The following ABHD3 variants were observed in gnomAD, a reference collection of about 807,000 sequenced individuals.
ABHD3 encodes the protein phospholipase ABHD3.
Under a neutral mutation model 48.8 loss-of-function variants are expected in ABHD3, and 46 were observed. The ratio of observed to expected loss-of-function variants is 0.94; its 90% CI spans 0.74 to 1.20. The LOEUF (loss-of-function observed/expected upper bound fraction) is 1.20, where lower values mean the gene tolerates loss of function less well. ABHD3 is among the 50% of genes most tolerant of loss of function. ABHD3 has a pLI of 0.00. For synonymous variants in ABHD3, 192 were observed against 183.7 expected (o/e 1.04, Z -0.36); for missense variants, 490 against 497.8 (o/e 0.98, Z 0.15).
intron 5 of ABHD3, among the ~76,000 whole-genome samples, chr18:21,660,781 G>C (rs2039474837): frequency 6.6e-6 from 1 of 152,110 alleles, no homozygotes; most frequent in African/African-American, 2.4e-5. Flanking sequence ...TCTGTATACA[G>C]TATTGTGATT....
At chr18:21,671,069 T>G (rs1049829317) in intron 4 of ABHD3, among the ~76,000 whole-genome samples, 4 of 152,178 alleles carry the variant, frequency 2.6e-5, no homozygotes, top group Non-Finnish European at 5.9e-5. Flanking sequence ...CTTTAGGACC[T>G]CACAGCTGTT....
intron 1 of ABHD3, 85 bp from the exon 2 acceptor site, chr18:21,703,832 C>T: frequency 7.2e-7 from 1 of 1,398,234 alleles, no homozygotes; most frequent in Non-Finnish European, 9.8e-7. Context: ...ACTTGTCGCT[C>T]GCGCGCGCGC....
At chr18:21,669,714 T>C (rs2039713782) in intron 4 of ABHD3, among the ~76,000 whole-genome samples, 1 of 152,184 alleles carries the variant, frequency 6.6e-6, no homozygotes, top group Non-Finnish European at 1.5e-5. Flanking sequence ...CATTTCCCTA[T>C]AAATGGCACT....
chr18:21,675,371 C>T (rs912780769), intron 4 of ABHD3, among the ~76,000 whole-genome samples: 1 of 148,816 alleles, frequency 6.7e-6, no homozygotes, highest in African/African-American at 2.5e-5. Flanking sequence ...TGGGTTCAAG[C>T]GATTCTCCTG....
At chr18:21,693,992 C>T (rs753132703) in intron 3 of ABHD3, among the ~76,000 whole-genome samples, 1 of 152,220 alleles carries the variant, frequency 6.6e-6, no homozygotes, top group African/African-American at 2.4e-5. Flanking sequence ...CCCACCAAGG[C>T]ACCTCTAATG....
intron 4 of ABHD3, chr18:21,664,450 G>C (rs1180148601): frequency 2.2e-6 from 1 of 460,606 alleles, no homozygotes; most frequent in Admixed American, 3.9e-5. Context: ...AAAAGACCAT[G>C]AACATGCAAG....
At chr18:21,680,660 C>G (rs2039983687) in intron 4 of ABHD3, among the ~76,000 whole-genome samples, 2 of 152,112 alleles carry the variant, frequency 1.3e-5, no homozygotes, top group Non-Finnish European at 2.9e-5. Flanking sequence ...ACTTAGAACT[C>G]AGTGAATTCT....
At chr18:21,656,001 C>CA (rs1288924996) in intron 8 of ABHD3, among the ~76,000 whole-genome samples, 17 of 151,576 alleles carry the variant, frequency 1.1e-4, no homozygotes, top group African/African-American at 2.9e-4. Context: ...TACAAAAATA[C>CA]AAAAATTAGC....
chr18:21,672,571 T>G (rs2039779552), intron 4 of ABHD3, among the ~76,000 whole-genome samples: 1 of 152,222 alleles, frequency 6.6e-6, no homozygotes, highest in African/African-American at 2.4e-5. Context: ...TTAAATGAAG[T>G]CTGTGATTCC....
chr18:21,676,828 T>C (rs1056454598), intron 4 of ABHD3, among the ~76,000 whole-genome samples: 3 of 152,102 alleles, frequency 2.0e-5, no homozygotes, highest in African/African-American at 7.2e-5. Context: ...TGCTTGACTT[T>C]CTTGGCCCTC....
rs1329779179 is a variant in ABHD3 at position 21,664,216 on chromosome 18, A to G, written c.570T>C (p.Tyr190=). The part of the protein sequence containing the change: ...AGENLLTPRT[Y]CCANTEDLET... ...CCAAGTCTTCAGTGTTAGCACAACA[A>G]TAAGTCCTTGGCGTCTGGAAGTAGT... The change falls in exon 5 of 9, where the codon TAT becomes TAC. Residue 190 remains tyrosine, a synonymous_variant. Transcript: ENST00000289119. The G allele has an allele frequency of 1.2e-6, 2 of 1,613,734 alleles. No individual in the cohort carries two copies. Among genetic ancestry groups the G allele is most frequent in the African/African-American group, 1.3e-5 (1 of 75,036 alleles).
At chr18:21,678,841 T>C (rs1231693572) in intron 4 of ABHD3, among the ~76,000 whole-genome samples, 1 of 152,066 alleles carries the variant, frequency 6.6e-6, no homozygotes, top group East Asian at 1.9e-4. Flanking sequence ...AAAAGGTGTA[T>C]AGGATGCTCA....
chr18:21,683,723 AGACT>A, intron 4 of ABHD3, 193 bp downstream of exon 4: 1 of 357,200 alleles, frequency 2.8e-6, no homozygotes, highest in Non-Finnish European at 5.1e-6. Context: ...GAATGAACAC[AGACT>A]AAGGGAATTT....
intron 4 of ABHD3, among the ~76,000 whole-genome samples, chr18:21,668,893 C>G (rs1418352884): frequency 6.6e-6 from 1 of 152,096 alleles, no homozygotes; most frequent in Non-Finnish European, 1.5e-5. Flanking sequence ...ATAGCCCCAG[C>G]TGTGCTACAC....
At position 21,704,659 on chromosome 18, in the gene ABHD3, G is replaced by A. The variant is rs17851878; in HGVS notation, c.7C>T (p.Arg3Cys). Residue 3 changes from arginine to cysteine, a missense_variant, in exon 1 of 9, where the codon CGC becomes TGC. By Grantham distance (180) the Arg-to-Cys change is radical. Transcript: ENST00000289119. MQ[R>C]LAMDLRMLSR... ...AACATCCGCAGGTCCATGGCCAGGCGCTGCATGGCCCCCGAGCGCGGCGCG... is the reference window on the plus strand; with the variant it reads ...AACATCCGCAGGTCCATGGCCAGGCACTGCATGGCCCCCGAGCGCGGCGCG... The A allele has an allele frequency of 1.1e-3, 1,625 of 1,507,316 alleles. 3 individuals are homozygous for A. Among genetic ancestry groups the A allele is most frequent in the Non-Finnish European group, 1.3e-3 (1,474 of 1,128,686 alleles). 93.4% of individuals were successfully genotyped at this position (1,507,316 alleles called of 1,614,324 possible).
intron 4 of ABHD3, among the ~76,000 whole-genome samples, chr18:21,671,812 T>A (rs1002121490): frequency 8.5e-5 from 13 of 152,188 alleles, no homozygotes; most frequent in Non-Finnish European, 1.8e-4. Context: ...ATCATTATTA[T>A]TTTTTATAGA....
Position 21,651,705 on chromosome 18 carries a change from A to G in ABHD3, c.1116T>C (p.Tyr372=), listed in dbSNP as rs201056756. The change falls in exon 9 of 9, where the codon TAT becomes TAC. Residue 372 remains tyrosine, a synonymous_variant. Coordinates refer to ENST00000289119, the MANE Select transcript of ABHD3 (RefSeq NM_138340.5). ...CCTCCAGAAAACCAATATGGCCTCC[A>G]TAAGAAGTAAGGACCAAAGCAACAT... The part of the protein sequence containing the change: ...NPNVALVLTS[Y]GGHIGFLEGI... 5.2e-5 allele frequency: 84 copies of G among 1,611,006 alleles called. No individual in the cohort carries two copies. The highest frequency in any genetic ancestry group is 1.7e-4 in the Middle Eastern group (1 of 6,048).
chr18:21,703,508 G>A, intron 2 of ABHD3, 76 bp downstream of exon 2: 1 of 1,531,868 alleles, frequency 6.5e-7, no homozygotes, highest in East Asian at 2.3e-5. Flanking sequence ...TATTAACCAA[G>A]AACTGGGAAT....
At chr18:21,697,956 G>T (rs138551758) in intron 3 of ABHD3, among the ~76,000 whole-genome samples, 124 of 152,010 alleles carry the variant, frequency 8.2e-4, no homozygotes, top group Admixed American at 2.8e-3. Flanking sequence ...ACAGTTCCCT[G>T]GTGACCTGAC....
Sources: allele counts gnomAD v4.1 joint callset (sites outside exome capture counted in the v4.1 genomes callset), GRCh38; gene constraint gnomAD v4.1.1; transcripts MANE v1.5; gene names NCBI Gene and HGNC (gene_info 2026-07-23, HGNC 2026-07-21).